The following PRDM16 variants were observed in gnomAD, a reference collection of about 807,000 sequenced individuals.
PRDM16 encodes the protein histone-lysine N-methyltransferase PRDM16.
PRDM16 carries 23 observed loss-of-function variants against 110.6 expected under a neutral mutation model. The observed-to-expected ratio is 0.21, with a 90% confidence interval of 0.15 to 0.29. The LOEUF (loss-of-function observed/expected upper bound fraction) is 0.29. PRDM16 is among the 10% of genes least tolerant of loss of function. PRDM16 has a pLI of 1.00. For synonymous variants in PRDM16, 799 were observed against 781.8 expected, an observed-to-expected ratio of 1.02 and a Z score of -0.37; for missense variants, 1,615 against 1,794.3, an observed-to-expected ratio of 0.90 and a Z score of 1.81.
intron 5 of PRDM16, among the ~76,000 whole-genome samples, chr1:3,399,614 C>T (rs529792557): frequency 5.3e-5 from 8 of 152,252 alleles, no homozygotes; most frequent in South Asian, 2.1e-4. Flanking sequence ...TCACTGAAGT[C>T]GGCTCCATCA....
chr1:3,356,264 C>T (rs867996560), intron 3 of PRDM16, among the ~76,000 whole-genome samples: 8 of 152,306 alleles, frequency 5.3e-5, no homozygotes, highest in Middle Eastern at 3.4e-3. Flanking sequence ...TCCAAAGCCC[C>T]CCCCAGCCCC....
intron 3 of PRDM16, among the ~76,000 whole-genome samples, chr1:3,251,377 G>A (rs1418206364): frequency 2.0e-5 from 3 of 152,208 alleles, no homozygotes; most frequent in African/African-American, 2.4e-5. Context: ...GGGTGAGAGC[G>A]GAGCAGTCAG....
intron 1 of PRDM16, among the ~76,000 whole-genome samples, chr1:3,131,759 C>T (rs2050703): frequency 0.14 from 21,002 of 152,180 alleles, 1,584 homozygotes; most frequent in Middle Eastern, 0.16. Context: ...CTCCAGGCCC[C>T]GCAAACCTCA....
intron 2 of PRDM16, among the ~76,000 whole-genome samples, chr1:3,202,161 C>T (rs1045427454): frequency 3.9e-5 from 6 of 152,176 alleles, no homozygotes; most frequent in Admixed American, 6.5e-5. Context: ...CCCCTTCACC[C>T]GCATGACCTC....
In PRDM16 at chr1:3,370,253, A is replaced by G. The variant is rs568881328; in HGVS notation, c.439-14899A>G. On this transcript the variant is annotated intron_variant, in intron 3 of 16. Coordinates refer to ENST00000270722, the MANE Select transcript of PRDM16 (RefSeq NM_022114.4). The surrounding 1 kb of genome is among the most constrained non-coding windows in gnomAD (Gnocchi z 4.8). ...CAACCATAACACTTTCCAGAGGACA[A>G]TGATCTGGAAAATGTTGCAACTCTG... 6.6e-6 allele frequency among the ~76,000 whole-genome samples: 1 copy of G among 152,200 alleles called. No individual in the cohort carries two copies. The highest frequency in any genetic ancestry group is 2.4e-5 in the African/African-American group (1 of 41,450).
At chr1:3,384,686 C>T (rs1287649910) in intron 3 of PRDM16, among the ~76,000 whole-genome samples, 7 of 152,234 alleles carry the variant, frequency 4.6e-5, no homozygotes, top group African/African-American at 1.7e-4. Flanking sequence ...GAGTGATGTG[C>T]AGGCTGCCCT....
intron 1 of PRDM16, among the ~76,000 whole-genome samples, chr1:3,089,356 T>G (rs2100594100): frequency 6.6e-6 from 1 of 152,334 alleles, no homozygotes; most frequent in African/African-American, 2.4e-5. Context: ...CCACCGGGGC[T>G]GTGACCCCAT....
At chr1:3,404,455 G>T in intron 6 of PRDM16, among the ~76,000 whole-genome samples, 1 of 152,368 alleles carries the variant, frequency 6.6e-6, no homozygotes, top group Middle Eastern at 3.4e-3. Flanking sequence ...AGTGTGGGCC[G>T]GGGTCCGGCA....
chr1:3,273,922 T>TG (rs1640523099), intron 3 of PRDM16, among the ~76,000 whole-genome samples: 1 of 136,566 alleles, frequency 7.3e-6, no homozygotes, highest in Admixed American at 7.5e-5. Flanking sequence ...ATGTAAGTGT[T>TG]GTGTGCGTGT....
chr1:3,163,733 G>A (rs939997217), intron 1 of PRDM16, among the ~76,000 whole-genome samples: 1 of 152,132 alleles, frequency 6.6e-6, no homozygotes. Context: ...TAGGAGCATC[G>A]CCCAGCCTCA....
At chr1:3,396,431 G>A in intron 4 of PRDM16, 60 bp from the exon 5 acceptor site, 1 of 936,490 alleles carries the variant, frequency 1.1e-6, no homozygotes, top group Non-Finnish European at 1.7e-6. Flanking sequence ...TGTGCACTGA[G>A]AGGCTCTCCA....
In PRDM16 at chr1:3,208,416, C is replaced by T. The variant is rs1638801983; in HGVS notation, c.387+21942C>T. ...GACTCGGTGACTCACGCCTGTAATC[C>T]CAGCACTTTGGCAGGCCAAGGAGGG... On this transcript the variant is annotated intron_variant, in intron 2 of 16. Transcript: ENST00000270722. The surrounding 1 kb of genome is among the most constrained non-coding windows in gnomAD (Gnocchi z 6.1). The T allele has an allele frequency of 6.6e-6, 1 of 152,088 alleles. No homozygotes were observed. Among genetic ancestry groups the T allele is most frequent in the Admixed American group, 6.5e-5 (1 of 15,272 alleles). The allele number at this position is 152,088 out of a possible 1,614,324, so 9.4% of individuals were successfully genotyped here. A position where few individuals can be genotyped will look rare whatever the true frequency, so the allele number is the denominator to read the frequency against.
intron 14 of PRDM16, among the ~76,000 whole-genome samples, chr1:3,428,916 T>C (rs946066208): frequency 2.6e-5 from 4 of 151,870 alleles, no homozygotes; most frequent in African/African-American, 9.7e-5. Context: ...TTGGAGAAAA[T>C]CACGCAGGGG....
At position 3,310,705 on chromosome 1, in the gene PRDM16, T is replaced by G. The variant is rs559577138; in HGVS notation, c.438+66568T>G. 6.6e-5 allele frequency among the ~76,000 whole-genome samples: 10 copies of G among 152,316 alleles called. No individual in the cohort carries two copies. In the East Asian group the frequency reaches 1.9e-3, roughly 29 times the overall value. ...CCTTCCTCCTCTGCCAACTCTTCAT[T>G]TGGCCTCAGATGACATGGCCCTGGC... On this transcript the variant is annotated intron_variant, in intron 3 of 16. Transcript: ENST00000270722.
At chr1:3,268,017 C>T (rs979493787) in intron 3 of PRDM16, among the ~76,000 whole-genome samples, 45 of 152,368 alleles carry the variant, frequency 3.0e-4, no homozygotes, top group African/African-American at 8.9e-4. Context: ...AACAGCCAAC[C>T]TGGGTGCAGA....
intron 1 of PRDM16, among the ~76,000 whole-genome samples, chr1:3,136,908 TGG>T (rs896984370): frequency 1.3e-5 from 2 of 152,124 alleles, no homozygotes; most frequent in Non-Finnish European, 2.9e-5. Flanking sequence ...AGCTGGAACT[TGG>T]AGTTATAAAC....
chr1:3,217,000 A>G (rs1639044341), intron 2 of PRDM16, among the ~76,000 whole-genome samples: 1 of 152,228 alleles, frequency 6.6e-6, no homozygotes. Context: ...GTAGCCTAGC[A>G]CTGTTCCATG....
intron 1 of PRDM16, among the ~76,000 whole-genome samples, chr1:3,110,908 G>A (rs146759277): frequency 2.0e-5 from 3 of 152,322 alleles, no homozygotes; most frequent in East Asian, 1.9e-4. Context: ...CTGATGCCCC[G>A]GGGTGGGGTG....
intron 2 of PRDM16, among the ~76,000 whole-genome samples, chr1:3,194,275 G>A (rs971957149): frequency 2.3e-4 from 35 of 152,204 alleles, no homozygotes; most frequent in Admixed American, 3.3e-4. Context: ...TCCTGCAGAG[G>A]TGTTCACTGG....
Sources: gnomAD v4.1 joint callset for allele counts (sites outside exome capture counted in the v4.1 genomes callset) on GRCh38, gnomAD v4.1.1 for gene constraint, Gnocchi (gnomAD v3.1) non-coding constraint, MANE v1.5 for transcripts, NCBI Gene and HGNC (gene_info 2026-07-23, HGNC 2026-07-21) for gene names.